PDE4B: variants seen among roughly 807,000 people sequenced by gnomAD.
PDE4B encodes the protein 3',5'-cyclic-AMP phosphodiesterase 4B.
PDE4B carries 20 observed loss-of-function variants against 82.2 expected under a neutral mutation model. That is an observed-to-expected ratio of 0.24 (90% CI 0.17 to 0.35). The LOEUF (loss-of-function observed/expected upper bound fraction) is 0.35, where lower values mean the gene tolerates loss of function less well. Ranked by LOEUF, PDE4B falls within the 10% of genes least tolerant of loss-of-function variation. The pLI, the probability that PDE4B is intolerant of heterozygous loss-of-function variation, is 1.00. For missense variants in PDE4B, 655 were observed against 907.2 expected (o/e 0.72, Z 3.57); for synonymous variants, 320 against 318.9 (o/e 1.00, Z -0.04).
At chr1:65,828,368 C>T (rs1646042917) in intron 1 of PDE4B, among the ~76,000 whole-genome samples, 2 of 152,236 alleles carry the variant, frequency 1.3e-5, no homozygotes, top group South Asian at 4.2e-4. Flanking sequence ...GCCTCAGTCT[C>T]TCGAGTAGCT....
chr1:66,230,417 T>A (rs1651858512), intron 3 of PDE4B, among the ~76,000 whole-genome samples: 1 of 152,222 alleles, frequency 6.6e-6, no homozygotes, highest in Admixed American at 6.5e-5. Flanking sequence ...TGATGATGTA[T>A]TGGAGGTTTT....
intron 3 of PDE4B, among the ~76,000 whole-genome samples, chr1:66,211,995 T>C (rs1464010307): frequency 6.6e-6 from 1 of 152,210 alleles, no homozygotes; most frequent in African/African-American, 2.4e-5. Context: ...GCATGGAGTA[T>C]CCAAAAGTAC....
chr1:66,135,247 C>G (rs1439185265), intron 3 of PDE4B, among the ~76,000 whole-genome samples: 1 of 152,166 alleles, frequency 6.6e-6, no homozygotes, highest in East Asian at 1.9e-4. Context: ...ACAAAGATTA[C>G]TTTGATGAAG....
chr1:66,132,236 T>C (rs917062860), intron 3 of PDE4B, among the ~76,000 whole-genome samples: 1 of 152,204 alleles, frequency 6.6e-6, no homozygotes, highest in Non-Finnish European at 1.5e-5. Flanking sequence ...CTTATTGAAC[T>C]GAAGAGGAGA....
At chr1:66,172,182 A>G (rs560559097) in intron 3 of PDE4B, among the ~76,000 whole-genome samples, 90 of 152,280 alleles carry the variant, frequency 5.9e-4, no homozygotes, top group Non-Finnish European at 9.3e-4. Flanking sequence ...GCTCCCACTT[A>G]TAAGTGAGAA....
intron 1 of PDE4B, among the ~76,000 whole-genome samples, chr1:65,874,910 A>G (rs1481560702): frequency 6.6e-6 from 1 of 152,166 alleles, no homozygotes; most frequent in African/African-American, 2.4e-5. Context: ...CATGTCCAAA[A>G]CACCAAAAGC....
At chr1:66,227,048 T>C (rs1409530989) in intron 3 of PDE4B, among the ~76,000 whole-genome samples, 2 of 152,242 alleles carry the variant, frequency 1.3e-5, no homozygotes, top group Non-Finnish European at 2.9e-5. Context: ...TTCCAGATTT[T>C]GGGCTTGAGC....
At position 66,323,641 on chromosome 1, in the gene PDE4B, C is replaced by T. The variant is rs973471216; in HGVS notation, c.635-8867C>T. Reference sequence around the variant, plus strand: ...TACTTGTAATGTACCATGCACTGTCCTAAGCACTTTACATTTATTTATTTG... The same window carrying T: ...TACTTGTAATGTACCATGCACTGTCTTAAGCACTTTACATTTATTTATTTG... On this transcript the variant is annotated intron_variant, in intron 7 of 16. Coordinates refer to ENST00000341517, the MANE Select transcript of PDE4B (RefSeq NM_002600.4). Among the ~76,000 whole-genome samples the T allele has an allele frequency of 2.6e-5, 4 of 152,166 alleles. No individual in the cohort carries two copies. In the South Asian group the frequency reaches 8.3e-4, roughly 32 times the overall value.
chr1:65,845,159 A>G (rs1646254604), intron 1 of PDE4B, among the ~76,000 whole-genome samples: 1 of 152,214 alleles, frequency 6.6e-6, no homozygotes, highest in African/African-American at 2.4e-5. Context: ...GTCCCAGCGT[A>G]CAACATAACA....
chr1:66,342,730 CAA>C (rs59069739), intron 8 of PDE4B, among the ~76,000 whole-genome samples: 3 of 108,340 alleles, frequency 2.8e-5, no homozygotes, highest in Non-Finnish European at 3.9e-5. Flanking sequence ...AACTCCATCT[CAA>C]AAAAAAAAAA....
chr1:66,042,605 A>T (rs532975571), intron 3 of PDE4B: 1 of 151,734 alleles, frequency 6.6e-6, no homozygotes, highest in Non-Finnish European at 1.5e-5. Context: ...CCAGCATACA[A>T]CAAGCTCTCC....
chr1:66,104,038 T>C (rs1261947378), intron 3 of PDE4B, among the ~76,000 whole-genome samples: 1 of 151,632 alleles, frequency 6.6e-6, no homozygotes, highest in African/African-American at 2.4e-5. Flanking sequence ...GCTGCACCCA[T>C]TAACTCGTCA....
chr1:66,303,665 G>T (rs1436226607), intron 7 of PDE4B, among the ~76,000 whole-genome samples: 1 of 152,102 alleles, frequency 6.6e-6, no homozygotes, highest in African/African-American at 2.4e-5. Flanking sequence ...TGCATAAAAT[G>T]TTAGATCATT....
At chr1:66,265,194 G>A (rs1421222315) in intron 6 of PDE4B, among the ~76,000 whole-genome samples, 2 of 152,186 alleles carry the variant, frequency 1.3e-5, no homozygotes, top group Admixed American at 6.5e-5. Context: ...GGGCCCAGCA[G>A]TGTGTCTGAA....
At chr1:66,115,549 C>A (rs17128412) in intron 3 of PDE4B, among the ~76,000 whole-genome samples, 1 of 152,058 alleles carries the variant, frequency 6.6e-6, no homozygotes. Context: ...TTAATCAGAC[C>A]CTAGGAAATT....
At chr1:65,925,190 T>C (rs1647430074) in intron 3 of PDE4B, among the ~76,000 whole-genome samples, 1 of 152,174 alleles carries the variant, frequency 6.6e-6, no homozygotes, top group South Asian at 2.1e-4. Context: ...CTCATGCTTT[T>C]AAAAAACTTT....
At chr1:65,900,617 A>C (rs1646961428) in intron 1 of PDE4B, among the ~76,000 whole-genome samples, 1 of 152,010 alleles carries the variant, frequency 6.6e-6, no homozygotes, top group African/African-American at 2.4e-5. Flanking sequence ...TGTTTGTGTC[A>C]TCTGTGATTT....
chr1:65,847,655 C>A (rs1477460136), intron 1 of PDE4B, among the ~76,000 whole-genome samples: 1 of 152,178 alleles, frequency 6.6e-6, no homozygotes, highest in Non-Finnish European at 1.5e-5. Context: ...CAACTGAAAT[C>A]ATTGTCCTTT....
At chr1:66,168,609 C>T (rs2133967) in intron 3 of PDE4B, among the ~76,000 whole-genome samples, 68,354 of 151,898 alleles carry the variant, frequency 0.45, 17,339 homozygotes, top group African/African-American at 0.67. Context: ...GAGGACCGTA[C>T]CTACCGTCTT....
Sources: allele counts gnomAD v4.1 joint callset (sites outside exome capture counted in the v4.1 genomes callset), GRCh38; gene constraint gnomAD v4.1.1; transcripts MANE v1.5; gene names NCBI Gene and HGNC (gene_info 2026-07-23, HGNC 2026-07-21).